Variants in KIF25 observed in about 807,000 individuals in gnomAD.
KIF25 encodes kinesin family member 25.
KIF25 carries 19 observed loss-of-function variants against 32.9 expected under a neutral mutation model. The observed-to-expected ratio is 0.58, with a 90% CI of 0.40 to 0.85. The LOEUF (loss-of-function observed/expected upper bound fraction) is 0.85. Among genes scored for constraint, KIF25 ranks in the 40% least tolerant of loss-of-function variants. The probability of loss-of-function intolerance (pLI) is 0.00; values close to 1 mark genes in which losing one functional copy is unlikely to be tolerated. For missense variants in KIF25, 485 were observed against 507.0 expected (o/e 0.96, Z 0.42); for synonymous variants, 225 against 213.7 (o/e 1.05, Z -0.46).
At chr6:168,001,044 G>T (rs887352652) in intron 2 of KIF25, among the ~76,000 whole-genome samples, 3 of 152,242 alleles carry the variant, frequency 2.0e-5, no homozygotes, top group African/African-American at 7.2e-5. Flanking sequence ...ACATGATTGT[G>T]CTGGCTCTAG....
At chr6:168,029,861 T>A (rs1366556914) in intron 6 of KIF25, among the ~76,000 whole-genome samples, 184 bp downstream of exon 6, 2 of 147,222 alleles carry the variant, frequency 1.4e-5, no homozygotes, top group Non-Finnish European at 3.0e-5. Context: ...ACATCATGCA[T>A]GTGGAACACC....
At chr6:168,011,997 A>G (rs566473803) in intron 4 of KIF25, among the ~76,000 whole-genome samples, 1 of 152,056 alleles carries the variant, frequency 6.6e-6, no homozygotes, top group South Asian at 2.1e-4. Flanking sequence ...TCTCTATTAT[A>G]TCATATATTT....
chr6:168,007,292 G>A (rs1408443337), intron 4 of KIF25, among the ~76,000 whole-genome samples: 1 of 152,080 alleles, frequency 6.6e-6, no homozygotes, highest in African/African-American at 2.4e-5. Context: ...GGCGCCTGTA[G>A]TCCCAGCTAC....
chr6:168,006,186 G>A (rs1322218361), intron 4 of KIF25, among the ~76,000 whole-genome samples: 3 of 152,052 alleles, frequency 2.0e-5, no homozygotes, highest in Non-Finnish European at 4.4e-5. Context: ...GTGATGAATG[G>A]CATGGTGATT....
chr6:168,006,212 T>C (rs1004005068), intron 4 of KIF25, among the ~76,000 whole-genome samples: 2 of 151,900 alleles, frequency 1.3e-5, no homozygotes, highest in African/African-American at 4.8e-5. Context: ...CTATTTCTTT[T>C]TTTTTTTTTT....
chr6:168,001,655 TCGGGCAGG>T (rs1798505430), intron 2 of KIF25, among the ~76,000 whole-genome samples: 2 of 101,562 alleles, frequency 2.0e-5, no homozygotes, highest in African/African-American at 8.6e-5. Flanking sequence ...AGGCGTGGCC[TCGGGCAGG>T]TGAGAAGACA....
At chr6:168,038,512 G>C (rs1799063438) in intron 8 of KIF25, 41 bp from the exon 9 acceptor site, 1 of 1,605,420 alleles carries the variant, frequency 6.2e-7, no homozygotes, top group Admixed American at 1.7e-5. Flanking sequence ...AAATCACTCT[G>C]TGAGACTTTC....
chr6:168,017,063 C>T (rs1434136128), intron 4 of KIF25, among the ~76,000 whole-genome samples: 1 of 152,242 alleles, frequency 6.6e-6, no homozygotes, highest in Non-Finnish European at 1.5e-5. Flanking sequence ...AGCAATAGTC[C>T]GGCAGCTGCC....
At chr6:168,005,140 A>T (rs2516810) in intron 4 of KIF25, among the ~76,000 whole-genome samples, 1 of 151,836 alleles carries the variant, frequency 6.6e-6, no homozygotes, top group Non-Finnish European at 1.5e-5. Context: ...TGTCACAGGC[A>T]AGCCTGGCAT....
rs755667428 is a variant in KIF25 at position 168,038,595 on chromosome 6, C to T, written c.360C>T (p.Val120=). The T allele has an allele frequency of 5.6e-6, 9 of 1,614,156 alleles. No homozygotes were observed. Among genetic ancestry groups the T allele is most frequent in the South Asian group, 5.5e-5 (5 of 91,080 alleles). Residue 120 remains valine, a synonymous_variant, in exon 9 of 13, where the codon GTC becomes GTT. Coordinates refer to ENST00000643607, the MANE Select transcript of KIF25 (RefSeq NM_030615.4). ...CCTCAAGAAGCCCAAAGGTTGAAGT[C>T]TCCATAGTGGAAGTTTACAATAATG... The part of the protein sequence containing the change: ...ENTSRSPKVE[V]SIVEVYNNDI...
At chr6:168,002,840 C>T (rs1182879426) in intron 3 of KIF25, among the ~76,000 whole-genome samples, 181 bp downstream of exon 3, 2 of 152,202 alleles carry the variant, frequency 1.3e-5, no homozygotes, top group African/African-American at 4.8e-5. Context: ...ACTAGAGGGT[C>T]CTATCTAGCA....
intron 8 of KIF25, chr6:168,035,883 G>T (rs2306946): frequency 0.11 from 46,655 of 427,580 alleles, 3,059 homozygotes; most frequent in East Asian, 0.18. Context: ...GAGCAGACAC[G>T]GACCGTGTCC....
At chr6:168,026,517 G>A (rs978531561) in intron 5 of KIF25, among the ~76,000 whole-genome samples, 3 of 152,044 alleles carry the variant, frequency 2.0e-5, no homozygotes, top group African/African-American at 7.3e-5. Flanking sequence ...TCAGAACATT[G>A]TTGGTTTTTA....
intron 7 of KIF25, among the ~76,000 whole-genome samples, chr6:168,032,829 CG>C (rs1023821416): frequency 1.3e-5 from 2 of 152,142 alleles, no homozygotes; most frequent in African/African-American, 2.4e-5. Flanking sequence ...ATGACTCGGA[CG>C]GGGGGTCAGG....
At chr6:168,007,208 C>T (rs1182998923) in intron 4 of KIF25, among the ~76,000 whole-genome samples, 2 of 152,080 alleles carry the variant, frequency 1.3e-5, no homozygotes, top group East Asian at 1.9e-4. Context: ...GCCAGGAGTT[C>T]GACACCAGCC....
chr6:168,027,730 G>A (rs1377641461), intron 5 of KIF25, among the ~76,000 whole-genome samples: 1 of 152,112 alleles, frequency 6.6e-6, no homozygotes, highest in African/African-American at 2.4e-5. Flanking sequence ...GGAGCACGAG[G>A]TCAGATGCAT....
intron 6 of KIF25, chr6:168,030,498 C>G (rs1380201282): frequency 6.1e-6 from 1 of 162,952 alleles, no homozygotes; most frequent in African/African-American, 2.5e-5. Flanking sequence ...TCTTCCCTCC[C>G]TTCCCCTTCC....
In KIF25 at chr6:168,044,196, G is replaced by A. The variant is rs1432539470; in HGVS notation, c.986-631G>A. ...TGAGGGGTGCTAGTGACCGGCTGCTGACCCTTCCAGAGGGTGAGGGGTGCT... is the reference window on the plus strand; with the variant it reads ...TGAGGGGTGCTAGTGACCGGCTGCTAACCCTTCCAGAGGGTGAGGGGTGCT... On this transcript the variant is annotated intron_variant, in intron 12 of 12. Transcript: ENST00000643607. Among the ~76,000 whole-genome samples, 7 of 149,468 alleles carry A rather than the reference G, an allele frequency of 4.7e-5. No homozygotes were observed. The East Asian group carries it at 8.0e-4, about 17-fold the overall frequency.
chr6:168,031,493 G>A (rs1798941470), intron 7 of KIF25, among the ~76,000 whole-genome samples: 1 of 152,202 alleles, frequency 6.6e-6, no homozygotes, highest in South Asian at 2.1e-4. Flanking sequence ...ATTACACAGT[G>A]TGCTGCGCGT....
Sources: allele counts gnomAD v4.1 joint callset (sites outside exome capture counted in the v4.1 genomes callset), GRCh38; gene constraint gnomAD v4.1.1; transcripts MANE v1.5; gene names NCBI Gene and HGNC (gene_info 2026-07-23, HGNC 2026-07-21).